IRAK1BP1: variants seen among roughly 807,000 people sequenced by gnomAD.
IRAK1BP1 encodes interleukin-1 receptor-associated kinase 1-binding protein 1.
IRAK1BP1 carries 24 observed loss-of-function variants against 28.0 expected under a neutral mutation model. The observed-to-expected ratio is 0.86, with a 90% CI of 0.62 to 1.20. The LOEUF is 1.20. IRAK1BP1 is among the 50% of genes most tolerant of loss of function. The pLI is 0.00. For missense variants in IRAK1BP1, 336 were observed against 316.7 expected (o/e 1.06, Z -0.46); for synonymous variants, 131 against 116.3 (o/e 1.13, Z -0.81).
chr6:78,929,337 A>G (rs1029818669), intron 4 of IRAK1BP1, among the ~76,000 whole-genome samples: 1 of 152,256 alleles, frequency 6.6e-6, no homozygotes, highest in Non-Finnish European at 1.5e-5. Context: ...TGGTACATAC[A>G]TAACATGGAA....
At chr6:78,945,337 C>A in intron 4 of IRAK1BP1, 1 of 1,613,494 alleles carries the variant, frequency 6.2e-7, no homozygotes, top group South Asian at 1.1e-5. Context: ...AAAGAGTGGA[C>A]GCCTTTGGGA....
At chr6:78,878,788 G>A (rs560885213) in intron 1 of IRAK1BP1, among the ~76,000 whole-genome samples, 3 of 152,254 alleles carry the variant, frequency 2.0e-5, no homozygotes, top group East Asian at 3.9e-4. Flanking sequence ...AGAATAAACG[G>A]CGTAGAGAAG....
chr6:78,931,325 T>C (rs1430889390), intron 4 of IRAK1BP1, among the ~76,000 whole-genome samples: 1 of 151,944 alleles, frequency 6.6e-6, no homozygotes, highest in African/African-American at 2.4e-5. Flanking sequence ...GGCAGGAGGA[T>C]TGCTTGAGCC....
intron 1 of IRAK1BP1, among the ~76,000 whole-genome samples, chr6:78,882,236 C>T (rs1771255557): frequency 6.6e-6 from 1 of 151,990 alleles, no homozygotes; most frequent in Non-Finnish European, 1.5e-5. Context: ...TAAGAAAGTG[C>T]TCAAAAAGTA....
At chr6:78,973,473 T>C in the IRAK1BP1 span, among the ~76,000 whole-genome samples, 87,940 of 95,718 alleles carry the variant, frequency 0.92, 40,498 homozygotes, top group East Asian at 1. Context: ...CATCAACTAA[T>C]GAGCAAAATA....
the IRAK1BP1 span, among the ~76,000 whole-genome samples, chr6:78,972,239 A>C: frequency 6.6e-6 from 1 of 152,188 alleles, no homozygotes; most frequent in African/African-American, 2.4e-5. Context: ...TGAGCAGCCT[A>C]ACTGGGAGGC....
At chr6:78,944,554 A>G (rs1773699367) in intron 4 of IRAK1BP1, among the ~76,000 whole-genome samples, 1 of 152,196 alleles carries the variant, frequency 6.6e-6, no homozygotes, top group African/African-American at 2.4e-5. Context: ...AGAAACAACA[A>G]AAACAAAAAG....
intron 4 of IRAK1BP1, among the ~76,000 whole-genome samples, chr6:78,914,533 T>C (rs1461637072): frequency 6.6e-6 from 1 of 152,254 alleles, no homozygotes. Flanking sequence ...TTATGTTCAG[T>C]GGAGCTGTTT....
intron 1 of IRAK1BP1, among the ~76,000 whole-genome samples, chr6:78,880,659 A>G (rs971597522): frequency 1.3e-5 from 2 of 152,222 alleles, no homozygotes; most frequent in Non-Finnish European, 2.9e-5. Flanking sequence ...ACTTGTATCA[A>G]GAACATATAT....
chr6:78,893,067 C>T (rs948072428), intron 2 of IRAK1BP1, among the ~76,000 whole-genome samples: 5 of 150,908 alleles, frequency 3.3e-5, no homozygotes, highest in Non-Finnish European at 7.4e-5. Context: ...GTTCAACTAA[C>T]CCTAAGCACA....
rs775563113 is a variant in IRAK1BP1, at chr6:78,867,807, C to T, written c.231C>T (p.Thr77=). ...AGGTGGTGGTGCGAGTGAGCAGCAC[C>T]AAGGAGGCGGCAGCCGAGGCCAAAA... is the stretch of plus-strand genomic sequence containing the variant. ...RAQVVVRVSS[T]KEAAAEAKKS... is the part of the protein sequence containing the mutation. Residue 77 remains threonine, a synonymous_variant, in exon 1 of 4, where the codon ACC becomes ACT. Transcript: ENST00000369940. 1 of 1,613,132 alleles carries T rather than the reference C, an allele frequency of 6.2e-7. No homozygotes were observed. Among genetic ancestry groups the T allele is most frequent in the South Asian group, 1.1e-5 (1 of 91,010 alleles).
At chr6:78,957,191 GTA>G in the IRAK1BP1 span, 1 of 151,880 alleles carries the variant, frequency 6.6e-6, no homozygotes, top group Non-Finnish European at 1.5e-5. Flanking sequence ...ACTTTCAAAT[GTA>G]TTAACAATTT....
rs1772022452 is a variant in IRAK1BP1, at chr6:78,899,483, T to A, written c.*1149T>A. 1 of 151,898 alleles carries A rather than the reference T, an allele frequency of 6.6e-6. No individual in the cohort carries two copies. Among genetic ancestry groups the A allele is most frequent in the African/African-American group, 2.4e-5 (1 of 41,334 alleles). The allele number at this position is 151,898 out of a possible 1,614,324, so 9.4% of individuals were successfully genotyped here. A position where few individuals can be genotyped will look rare whatever the true frequency, so the allele number is the denominator to read the frequency against. On this transcript the variant is annotated 3_prime_UTR_variant, in exon 4 of 4. Coordinates refer to ENST00000369940, the MANE Select transcript of IRAK1BP1 (RefSeq NM_001010844.4). ...TGTTTTGATGCCAAAAATAAAAGAG[T>A]TAATGTTTGGATCGGACTCCAACAG...
At chr6:78,928,666 C>T (rs1772957287) in intron 4 of IRAK1BP1, among the ~76,000 whole-genome samples, 1 of 152,050 alleles carries the variant, frequency 6.6e-6, no homozygotes, top group African/African-American at 2.4e-5. Context: ...TAATATATGG[C>T]TTTTATTATG....
chr6:78,947,560 T>C (rs912075647), downstream of IRAK1BP1: 4 of 751,792 alleles, frequency 5.3e-6, no homozygotes, highest in Admixed American at 8.1e-5. Context: ...AAGCAACATT[T>C]AGTCATTTAA....
intron 4 of IRAK1BP1, chr6:78,939,253 CAACTT>C (rs1346105420): frequency 6.6e-6 from 1 of 151,646 alleles, no homozygotes; most frequent in Non-Finnish European, 1.5e-5. Flanking sequence ...TTACAATAGA[CAACTT>C]AATTTTACTA....
exon 5 of IRAK1BP1, chr6:78,946,273 T>G (rs1441165831): frequency 1.2e-6 from 2 of 1,607,254 alleles, no homozygotes; most frequent in Non-Finnish European, 1.7e-6. Flanking sequence ...GTAAATAAAA[T>G]AGTATTGTCA....
chr6:78,922,447 T>C (rs1210258558), intron 4 of IRAK1BP1, among the ~76,000 whole-genome samples: 3 of 152,196 alleles, frequency 2.0e-5, no homozygotes, highest in Non-Finnish European at 4.4e-5. Context: ...CTACATCTGA[T>C]TGGTGTACCT....
chr6:78,894,498 A>T (rs1432947839), intron 2 of IRAK1BP1, among the ~76,000 whole-genome samples: 3 of 151,064 alleles, frequency 2.0e-5, no homozygotes, highest in Non-Finnish European at 4.5e-5. Flanking sequence ...TCATAATGAT[A>T]AAAGTCAATT....
Sources: allele counts gnomAD v4.1 joint callset (sites outside exome capture counted in the v4.1 genomes callset), GRCh38; gene constraint gnomAD v4.1.1; transcripts MANE v1.5; gene names NCBI Gene and HGNC (gene_info 2026-07-23, HGNC 2026-07-21).